The following NSL1 variants were observed in gnomAD, a reference collection of about 807,000 sequenced individuals.
NSL1 encodes NSL1 component of MIS12 kinetochore complex, also known as kinetochore-associated protein NSL1 homolog.
NSL1 carries 11 observed loss-of-function variants against 25.4 expected under a neutral mutation model. The observed-to-expected ratio is 0.43, with a 90% CI of 0.27 to 0.72. NSL1 has a LOEUF of 0.72. Ranked by LOEUF, NSL1 falls within the 30% of genes least tolerant of loss-of-function variation. The pLI is 0.19. For synonymous variants in NSL1, 118 were observed against 120.6 expected, an observed-to-expected ratio of 0.98 and a Z score of 0.14; for missense variants, 330 against 342.7, an observed-to-expected ratio of 0.96 and a Z score of 0.29.
At chr1:212,761,106 T>C (rs1244134700) in intron 4 of NSL1, among the ~76,000 whole-genome samples, 1 of 152,224 alleles carries the variant, frequency 6.6e-6, no homozygotes, top group East Asian at 1.9e-4. Flanking sequence ...AGTCTTTTCC[T>C]ATGAAAGCCA....
chr1:212,758,251 C>T (rs1356130083), intron 4 of NSL1, among the ~76,000 whole-genome samples: 3 of 151,870 alleles, frequency 2.0e-5, no homozygotes, highest in South Asian at 4.2e-4. Flanking sequence ...AGAGAAAATC[C>T]GAAAAGTCAG....
At chr1:212,766,234 A>G (rs562334270) in intron 4 of NSL1, 1 of 659,326 alleles carries the variant, frequency 1.5e-6, no homozygotes, top group South Asian at 1.6e-5. Context: ...AGCCAACATC[A>G]TGTTGAATGG....
chr1:212,790,173 C>A (rs1193495058), intron 1 of NSL1, among the ~76,000 whole-genome samples: 5 of 152,072 alleles, frequency 3.3e-5, no homozygotes, highest in Non-Finnish European at 2.9e-5. Flanking sequence ...GCCACCATGG[C>A]CGGCTAATTT....
intron 2 of NSL1, 35 bp downstream of exon 2, chr1:212,787,524 C>T (rs3738800): frequency 0.18 from 266,627 of 1,481,220 alleles, 29,244 homozygotes; most frequent in Admixed American, 0.47. Flanking sequence ...CAAAAATAAC[C>T]CAGAAATTAA....
intron 4 of NSL1, among the ~76,000 whole-genome samples, chr1:212,764,486 A>G (rs545142513): frequency 6.6e-6 from 1 of 152,348 alleles, no homozygotes; most frequent in East Asian, 1.9e-4. Context: ...TGAAACAAAA[A>G]GCTGGTTCTT....
chr1:212,738,526 G>A lies in NSL1; in HGVS notation c.728C>T (p.Pro243Leu), dbSNP rs758042370. Reference sequence around the variant, plus strand: ...GGTTTTCCTGGAAGCAGTCTCTGTTGGTGTGGTTTCTATCTGTGTTATAAA... The same window carrying A: ...GGTTTTCCTGGAAGCAGTCTCTGTTAGTGTGGTTTCTATCTGTGTTATAAA... ...ENFITQIETT[P>L]TETASRKTSD... is the part of the protein sequence containing the mutation. Residue 243 changes from proline to leucine, a missense_variant, in exon 6 of 6, where the codon CCA (proline) becomes CTA (leucine). Pro to Leu is a moderately conservative substitution (Grantham distance 98). Transcript: ENST00000366977. The A allele has an allele frequency of 6.2e-7, 1 of 1,614,044 alleles. No individual in the cohort carries two copies. The highest frequency in any genetic ancestry group is 1.1e-5 in the South Asian group (1 of 91,076).
chr1:212,766,360 G>C, intron 4 of NSL1: 15 of 428,128 alleles, frequency 3.5e-5, no homozygotes, highest in East Asian at 7.1e-5. Context: ...AAGAAATGAA[G>C]AAAATCCATA....
In NSL1 at chr1:212,733,264, T is replaced by G. The variant is rs1438293752; in HGVS notation, c.*5144A>C. 1.3e-5 allele frequency among the ~76,000 whole-genome samples: 2 copies of G among 151,950 alleles called. No individual in the cohort carries two copies. Among genetic ancestry groups the G allele is most frequent in the African/African-American group, 4.8e-5 (2 of 41,370 alleles). On this transcript the variant is annotated 3_prime_UTR_variant, in exon 6 of 6. Transcript: ENST00000366977. ...ACCAGCCACATAGCGAAACTCCGTC[T>G]CTACAAAAAATACAAAAATTAGCTG...
intron 4 of NSL1, among the ~76,000 whole-genome samples, chr1:212,759,738 G>C (rs1019052900): frequency 2.0e-5 from 3 of 152,078 alleles, no homozygotes; most frequent in African/African-American, 7.2e-5. Context: ...CACCTGGAGA[G>C]CTGCAGTGGC....
intron 4 of NSL1, among the ~76,000 whole-genome samples, chr1:212,756,224 A>ATCC (rs1440824814): frequency 6.6e-6 from 1 of 152,028 alleles, no homozygotes; most frequent in Non-Finnish European, 1.5e-5. Flanking sequence ...GGTTCAAATG[A>ATCC]TCCTCCCTCT....
In NSL1 at chr1:212,733,114, A is replaced by C. The variant is rs1298659792; in HGVS notation, c.*5294T>G. On this transcript the variant is annotated 3_prime_UTR_variant, in exon 6 of 6. Transcript: ENST00000366977. ...TCAACAAGCAGTCGTGAATCACCAT[A>C]ATCAAATTTAGAGGGTTTTCATCAC... 1.3e-5 allele frequency among the ~76,000 whole-genome samples: 2 copies of C among 152,096 alleles called. No individual in the cohort carries two copies. Among genetic ancestry groups the C allele is most frequent in the Non-Finnish European group, 2.9e-5 (2 of 68,002 alleles).
At chr1:212,786,310 C>T (rs1274370151) in intron 2 of NSL1, among the ~76,000 whole-genome samples, 1 of 151,466 alleles carries the variant, frequency 6.6e-6, no homozygotes, top group Non-Finnish European at 1.5e-5. Flanking sequence ...TTATTTCTTA[C>T]TTTGAATAAT....
In NSL1 at chr1:212,730,873, A is replaced by T; in HGVS notation, c.*7535T>A. The T allele has an allele frequency of 2.0e-6, 2 of 985,408 alleles. No individual in the cohort carries two copies. Among genetic ancestry groups the T allele is most frequent in the South Asian group, 9.4e-5 (2 of 21,284 alleles). 61.0% of individuals were successfully genotyped at this position (985,408 alleles called of 1,614,324 possible). On this transcript the variant is annotated 3_prime_UTR_variant, in exon 6 of 6. Coordinates refer to ENST00000366977, the MANE Select transcript of NSL1 (RefSeq NM_015471.4). Reference sequence around the variant, plus strand: ...TAAGTTCAATTAATAATGAATATAAATGCCACAAGCCATTAATGTGTGAGA... The same window carrying T: ...TAAGTTCAATTAATAATGAATATAATTGCCACAAGCCATTAATGTGTGAGA...
rs977998074 is a variant in NSL1 at position 212,791,756 on chromosome 1, C to A, written c.8G>T (p.Gly3Val). ...GTCAAGGACCACCAACTCAGGAGAC[C>A]CCGCCATTTTTCGTCGGAACTGTGG... Reference protein sequence around the residue: MAGSPELVVLDPP... With the variant: MAVSPELVVLDPP... The change falls in exon 1 of 6, where the codon GGG becomes GTG. Residue 3 changes from glycine (G) to valine (V), a missense_variant. Gly to Val is a moderately radical substitution (Grantham distance 109, BLOSUM62 -3). Coordinates refer to ENST00000366977, the MANE Select transcript of NSL1 (RefSeq NM_015471.4). 6.2e-7 allele frequency: 1 copy of A among 1,604,776 alleles called. No homozygotes were observed. Among genetic ancestry groups the A allele is most frequent in the East Asian group, 2.2e-5 (1 of 44,658 alleles).
rs1660999965 is a variant in NSL1, at chr1:212,787,635, A to G, written c.237T>C (p.Thr79=). 6.3e-7 allele frequency: 1 copy of G among 1,594,086 alleles called. No individual in the cohort carries two copies. ...REPALRDAQW[T]FESAVQENIS... Reference sequence around the variant, plus strand: ...TATTCTCTTGCACAGCTGATTCAAAAGTCTGCAATAAATTCACAGTAGTCA... The same window carrying G: ...TATTCTCTTGCACAGCTGATTCAAAGGTCTGCAATAAATTCACAGTAGTCA... Residue 79 remains threonine, a splice_region_variant and synonymous_variant, in exon 2 of 6, where the codon ACT becomes ACC. Transcript: ENST00000366977.
In NSL1 at chr1:212,737,007, C is replaced by T. The variant is rs987184661; in HGVS notation, c.*1401G>A. Reference sequence around the variant, plus strand: ...ATACAGAATTTTAATACTATAAAAACATTAGCACTGTAAAAACAGCAACAT... The same window carrying T: ...ATACAGAATTTTAATACTATAAAAATATTAGCACTGTAAAAACAGCAACAT... On this transcript the variant is annotated 3_prime_UTR_variant, in exon 6 of 6. Transcript: ENST00000366977. The T allele has an allele frequency of 7.1e-6, 7 of 984,548 alleles. No individual in the cohort carries two copies. The highest frequency in any genetic ancestry group is 7.2e-6 in the Non-Finnish European group (6 of 829,276). The allele number at this position is 984,548 out of a possible 1,614,324, so 61.0% of individuals were successfully genotyped here. A position where few individuals can be genotyped will look rare whatever the true frequency, so the allele number is the denominator to read the frequency against.
Position 212,733,974 on chromosome 1 carries a change from A to G in NSL1, c.*4434T>C, listed in dbSNP as rs1230122425. On this transcript the variant is annotated 3_prime_UTR_variant, in exon 6 of 6. Transcript: ENST00000366977. ...TTTATTCTTACTTTTCTAATTTGCCATTTCTTAATCTTTCTGTTTTATTTT... is the reference window on the plus strand; with the variant it reads ...TTTATTCTTACTTTTCTAATTTGCCGTTTCTTAATCTTTCTGTTTTATTTT... Among the ~76,000 whole-genome samples the G allele has an allele frequency of 5.3e-5, 8 of 152,042 alleles. No homozygotes were observed. The highest frequency in any genetic ancestry group is 1.2e-4 in the Non-Finnish European group (8 of 68,008).
intron 4 of NSL1, among the ~76,000 whole-genome samples, chr1:212,753,080 A>G (rs1201930844): frequency 6.6e-6 from 1 of 152,214 alleles, no homozygotes; most frequent in Non-Finnish European, 1.5e-5. Flanking sequence ...CACAGCAGTG[A>G]TTTGTGATTT....
chr1:212,731,742 G>A lies in NSL1; in HGVS notation c.*6666C>T. On this transcript the variant is annotated 3_prime_UTR_variant, in exon 6 of 6. Transcript: ENST00000366977. The stretch of plus-strand genomic sequence containing the variant: ...CCACTGACTTCCAGTTGTGGTGGGT[G>A]AAGATTTCACTCCCCACTGCCATGT... 2 of 985,374 alleles carry A rather than the reference G, an allele frequency of 2.0e-6. No homozygotes were observed. The highest frequency in any genetic ancestry group is 2.4e-6 in the Non-Finnish European group (2 of 829,896). The allele number at this position is 985,374 out of a possible 1,614,324, so 61.0% of individuals were successfully genotyped here.
Sources: gnomAD v4.1 joint callset for allele counts (sites outside exome capture counted in the v4.1 genomes callset) on GRCh38, gnomAD v4.1.1 for gene constraint, MANE v1.5 for transcripts, NCBI Gene and HGNC (gene_info 2026-07-23, HGNC 2026-07-21) for gene names.